The following GRM5 variants were observed in gnomAD, a reference collection of about 807,000 sequenced individuals.
The protein encoded by GRM5 is glutamate metabotropic receptor 5.
Under a neutral mutation model 83.1 loss-of-function variants are expected in GRM5, and 19 were observed. The ratio of observed to expected loss-of-function variants is 0.23; its 90% CI spans 0.16 to 0.34. GRM5 has a LOEUF of 0.34. Among genes scored for constraint, GRM5 ranks in the 10% least tolerant of loss-of-function variants. The pLI is 1.00. For missense variants in GRM5, 1,160 were observed against 1,588.3 expected, an observed-to-expected ratio of 0.73 and a Z score of 4.58; for synonymous variants, 675 against 633.6, an observed-to-expected ratio of 1.07 and a Z score of -0.98.
At chr11:88,877,182 G>A (rs1358559917) in intron 2 of GRM5, among the ~76,000 whole-genome samples, 1 of 151,984 alleles carries the variant, frequency 6.6e-6, no homozygotes, top group Non-Finnish European at 1.5e-5. Flanking sequence ...CCAAGAATAA[G>A]GTATTATATA....
At chr11:88,809,057 C>T (rs193277413) in intron 3 of GRM5, among the ~76,000 whole-genome samples, 10 of 152,092 alleles carry the variant, frequency 6.6e-5, no homozygotes, top group African/African-American at 2.4e-4. Flanking sequence ...ATTAGTTTAA[C>T]CTTAGACTCT....
intron 3 of GRM5, among the ~76,000 whole-genome samples, chr11:88,703,839 A>G (rs886240052): frequency 3.3e-5 from 5 of 152,100 alleles, no homozygotes; most frequent in African/African-American, 7.2e-5. Flanking sequence ...TAAGGTCCTA[A>G]TAAATTCATG....
At chr11:88,712,765 G>A (rs1389012066) in intron 3 of GRM5, among the ~76,000 whole-genome samples, 6 of 152,124 alleles carry the variant, frequency 3.9e-5, no homozygotes, top group Non-Finnish European at 5.9e-5. Context: ...GGCTTCATGT[G>A]AATTCAGAGT....
At chr11:89,034,431 C>T (rs1351353325) in intron 2 of GRM5, among the ~76,000 whole-genome samples, 4 of 151,830 alleles carry the variant, frequency 2.6e-5, no homozygotes, top group African/African-American at 9.7e-5. Context: ...CATCTCTTGC[C>T]ATATAGATAA....
At chr11:88,884,914 A>G (rs905100229) in intron 2 of GRM5, among the ~76,000 whole-genome samples, 1 of 152,110 alleles carries the variant, frequency 6.6e-6, no homozygotes, top group Non-Finnish European at 1.5e-5. Flanking sequence ...TAAATTACCC[A>G]GTCTTGGATA....
intron 8 of GRM5, among the ~76,000 whole-genome samples, chr11:88,531,780 C>A (rs1054985352): frequency 2.6e-5 from 4 of 152,088 alleles, no homozygotes; most frequent in African/African-American, 9.7e-5. Context: ...TATCCTGCTC[C>A]AGGTTTTGTT....
chr11:88,709,219 G>A (rs1286896031), intron 3 of GRM5, among the ~76,000 whole-genome samples: 3 of 152,018 alleles, frequency 2.0e-5, no homozygotes, highest in Middle Eastern at 6.8e-3. Flanking sequence ...TGGCAAGAAA[G>A]GGAGTGGCAT....
intron 2 of GRM5, among the ~76,000 whole-genome samples, chr11:88,913,458 T>C (rs1945534970): frequency 6.6e-6 from 1 of 151,590 alleles, no homozygotes; most frequent in Admixed American, 6.6e-5. Flanking sequence ...GGTATTTCCT[T>C]CCCCTCCCCT....
intron 3 of GRM5, among the ~76,000 whole-genome samples, chr11:88,808,062 C>G (rs1336458801): frequency 6.6e-6 from 1 of 151,810 alleles, no homozygotes. Context: ...TTACTGATTA[C>G]TATATAATAT....
chr11:89,048,519 C>T (rs1446461898), intron 1 of GRM5, among the ~76,000 whole-genome samples: 1 of 152,168 alleles, frequency 6.6e-6, no homozygotes. Context: ...CTTTTGAAAT[C>T]TTTAGCCTTG....
At chr11:89,026,304 G>C (rs375202587) in intron 2 of GRM5, among the ~76,000 whole-genome samples, 2 of 152,092 alleles carry the variant, frequency 1.3e-5, no homozygotes, top group Admixed American at 6.6e-5. Flanking sequence ...TGTACCCCCT[G>C]AACCTAAAGT....
intron 2 of GRM5, among the ~76,000 whole-genome samples, chr11:88,855,291 T>C (rs774082248): frequency 3.3e-5 from 5 of 151,912 alleles, no homozygotes; most frequent in Non-Finnish European, 7.4e-5. Context: ...CCAACCACTA[T>C]TTTTTGTTTG....
intron 2 of GRM5, among the ~76,000 whole-genome samples, chr11:88,894,435 T>C (rs900548439): frequency 1.3e-5 from 2 of 152,138 alleles, no homozygotes; most frequent in East Asian, 1.9e-4. Context: ...TTCCTGGCGA[T>C]TGACAACAAA....
At chr11:88,566,298 A>T (rs1428382655) in intron 8 of GRM5, among the ~76,000 whole-genome samples, 1 of 151,702 alleles carries the variant, frequency 6.6e-6, no homozygotes, top group Non-Finnish European at 1.5e-5. Context: ...ATCATTTATC[A>T]CATAAGGAAG....
At chr11:88,536,620 A>G (rs1481467239) in intron 8 of GRM5, among the ~76,000 whole-genome samples, 2 of 152,150 alleles carry the variant, frequency 1.3e-5, no homozygotes, top group African/African-American at 4.8e-5. Context: ...TGGTTCCTTG[A>G]ACACCAGCCA....
intron 7 of GRM5, among the ~76,000 whole-genome samples, chr11:88,571,513 T>C (rs1330545608): frequency 6.6e-6 from 1 of 152,150 alleles, no homozygotes; most frequent in Non-Finnish European, 1.5e-5. Flanking sequence ...TCTTAGAGTT[T>C]CCAAAAAATG....
chr11:88,777,256 G>A (rs1370617441), intron 3 of GRM5, among the ~76,000 whole-genome samples: 1 of 152,118 alleles, frequency 6.6e-6, no homozygotes, highest in Non-Finnish European at 1.5e-5. Flanking sequence ...CATGCATCAC[G>A]TAGTTCTCAT....
intron 2 of GRM5, among the ~76,000 whole-genome samples, chr11:88,902,950 C>CAAAAAAAAAAA (rs201996144): frequency 1.3e-3 from 78 of 61,866 alleles, no homozygotes; most frequent in Non-Finnish European, 1.5e-3. Flanking sequence ...GACTCCATCT[C>CAAAAAAAAAAA]AAAAAAAAAA....
intron 9 of GRM5, 133 bp from the exon 10 acceptor site, chr11:88,509,637 T>C (rs1941308289): frequency 1.6e-6 from 1 of 635,604 alleles, no homozygotes; most frequent in East Asian, 3.1e-5. Flanking sequence ...AAACACAGCA[T>C]CAAAAGGACA....
Sources: gnomAD v4.1 joint callset for allele counts (sites outside exome capture counted in the v4.1 genomes callset) on GRCh38, gnomAD v4.1.1 for gene constraint, MANE v1.5 for transcripts, NCBI Gene and HGNC (gene_info 2026-07-23, HGNC 2026-07-21) for gene names.